The following ELP4 variants were observed in gnomAD, a reference collection of about 807,000 sequenced individuals.
ELP4 encodes elongator complex protein 4.
ELP4 carries 51 observed loss-of-function variants against 48.9 expected under a neutral mutation model. The observed-to-expected ratio is 1.04, with a 90% CI of 0.83 to 1.32. ELP4 has a LOEUF of 1.32. ELP4 is among the 40% of genes most tolerant of loss of function. The pLI is 0.00. For missense variants in ELP4, 519 were observed against 514.6 expected (o/e 1.01, Z -0.08); for synonymous variants, 210 against 189.2 (o/e 1.11, Z -0.90).
chr11:31,528,173 AG>A (rs1416994999), intron 2 of ELP4, among the ~76,000 whole-genome samples: 1 of 152,040 alleles, frequency 6.6e-6, no homozygotes, highest in Non-Finnish European at 1.5e-5. Context: ...TTTTTACATC[AG>A]GTAATCATGA....
intron 6 of ELP4, among the ~76,000 whole-genome samples, chr11:31,628,675 G>C (rs1467322170): frequency 6.6e-6 from 1 of 151,576 alleles, no homozygotes; most frequent in East Asian, 1.9e-4. Context: ...GATTAAACAG[G>C]GTTCAGGTAG....
chr11:31,704,355 G>T (rs1195964246), intron 9 of ELP4, among the ~76,000 whole-genome samples: 1 of 152,108 alleles, frequency 6.6e-6, no homozygotes, highest in Non-Finnish European at 1.5e-5. Flanking sequence ...GATGAAGCTG[G>T]AAACCATCAT....
chr11:31,538,776 C>A (rs2133904842), intron 2 of ELP4, among the ~76,000 whole-genome samples: 1 of 152,046 alleles, frequency 6.6e-6, no homozygotes, highest in South Asian at 2.1e-4. Flanking sequence ...TAGTCTGTAG[C>A]TTTCTGTTTC....
chr11:31,528,153 T>TA (rs910211217), intron 2 of ELP4, among the ~76,000 whole-genome samples: 5 of 152,116 alleles, frequency 3.3e-5, no homozygotes, highest in Admixed American at 6.6e-5. Flanking sequence ...TCATGGCACT[T>TA]ACTACACATT....
intron 2 of ELP4, among the ~76,000 whole-genome samples, chr11:31,529,801 A>G (rs541476566): frequency 2.0e-5 from 3 of 152,310 alleles, no homozygotes; most frequent in East Asian, 1.9e-4. Flanking sequence ...AGTGGCCCCA[A>G]AAACACTAGA....
At chr11:31,566,443 T>C (rs1957113015) in intron 3 of ELP4, among the ~76,000 whole-genome samples, 1 of 152,214 alleles carries the variant, frequency 6.6e-6, no homozygotes, top group Non-Finnish European at 1.5e-5. Context: ...TATTCTTAAT[T>C]TGTATGGACC....
intron 9 of ELP4, among the ~76,000 whole-genome samples, chr11:31,772,235 C>A (rs1948161285): frequency 6.7e-6 from 1 of 150,370 alleles, no homozygotes; most frequent in Non-Finnish European, 1.5e-5. Flanking sequence ...TTCTCCAATT[C>A]TCATGCCTCA....
chr11:31,599,552 A>G (rs1056946475), intron 4 of ELP4: 8 of 151,220 alleles, frequency 5.3e-5, no homozygotes, highest in African/African-American at 1.9e-4. Context: ...GTATTAGTTC[A>G]TTCTCACTGA....
At chr11:31,720,249 A>G (rs901692738) in intron 9 of ELP4, among the ~76,000 whole-genome samples, 13 of 152,184 alleles carry the variant, frequency 8.5e-5, no homozygotes, top group African/African-American at 3.1e-4. Flanking sequence ...TCTCCATTTC[A>G]AATGCTGTTT....
At chr11:31,724,877 T>C (rs1947042326) in intron 9 of ELP4, among the ~76,000 whole-genome samples, 1 of 152,246 alleles carries the variant, frequency 6.6e-6, no homozygotes. Context: ...TTGTTTAAAA[T>C]TTTAATCTCA....
intron 2 of ELP4, among the ~76,000 whole-genome samples, chr11:31,529,345 C>T (rs971333710): frequency 6.6e-6 from 1 of 152,096 alleles, no homozygotes; most frequent in Admixed American, 6.6e-5. Context: ...TCCTGGCAGG[C>T]CCAAAGAACT....
Position 31,650,515 on chromosome 11 carries a change from G to T in ELP4, c.1143+294G>T, listed in dbSNP as rs1048213328. 2.8e-5 allele frequency: 7 copies of T among 251,308 alleles called. No homozygotes were observed. In the South Asian group the frequency reaches 5.8e-4, roughly 21 times the overall value. 15.6% of individuals were successfully genotyped at this position (251,308 alleles called of 1,614,324 possible). A position where few individuals can be genotyped will look rare whatever the true frequency, so the allele number is the denominator to read the frequency against. On this transcript the variant is annotated intron_variant, in intron 9 of 9. Transcript: ENST00000640961. Reference sequence around the variant, plus strand: ...ATGCATATTTCCATGGCTTTGAAAAGCATATTTAATTAAGTGTTAATGAGC... The same window carrying T: ...ATGCATATTTCCATGGCTTTGAAAATCATATTTAATTAAGTGTTAATGAGC...
At chr11:31,549,772 T>G (rs1956807273) in intron 3 of ELP4, among the ~76,000 whole-genome samples, 1 of 152,178 alleles carries the variant, frequency 6.6e-6, no homozygotes, top group Non-Finnish European at 1.5e-5. Flanking sequence ...ATTAAGAAAA[T>G]GTGGCACATA....
At chr11:31,557,808 T>A (rs1185263550) in intron 3 of ELP4, among the ~76,000 whole-genome samples, 3 of 152,128 alleles carry the variant, frequency 2.0e-5, no homozygotes, top group Admixed American at 6.6e-5. Flanking sequence ...AATTACTTTC[T>A]GACCGTTGGT....
At chr11:31,726,000 A>G (rs1384556660) in intron 9 of ELP4, among the ~76,000 whole-genome samples, 1 of 152,238 alleles carries the variant, frequency 6.6e-6, no homozygotes, top group East Asian at 1.9e-4. Context: ...AGAAAAGGCT[A>G]AGATTCTAAG....
rs1948517165 is a variant in ELP4 at position 31,785,182 on chromosome 11, C to G, written c.*1658C>G. ...GATAATAAATAATGTTGTGCGGATA[C>G]TCCACAAAAGCTCTGCTATGTCCTT... On this transcript the variant is annotated 3_prime_UTR_variant, in exon 10 of 10. Transcript: ENST00000640961. 5.5e-6 allele frequency: 1 copy of G among 183,404 alleles called. No homozygotes were observed. The highest frequency in any genetic ancestry group is 1.2e-5 in the Non-Finnish European group (1 of 86,306). The allele number at this position is 183,404 out of a possible 1,614,324, so 11.4% of individuals were successfully genotyped here. A position where few individuals can be genotyped will look rare whatever the true frequency, so the allele number is the denominator to read the frequency against.
intron 9 of ELP4, chr11:31,762,200 CAG>C (rs1171206567): frequency 6.6e-6 from 1 of 151,914 alleles, no homozygotes; most frequent in Non-Finnish European, 1.5e-5. Flanking sequence ...CACTACAAAA[CAG>C]AAAAAAACTT....
At chr11:31,512,381 A>G (rs1490146507) in intron 1 of ELP4, 1 of 152,216 alleles carries the variant, frequency 6.6e-6, no homozygotes, top group Non-Finnish European at 1.5e-5. Context: ...GAAAGGCATC[A>G]TACATGCTAA....
intron 9 of ELP4, among the ~76,000 whole-genome samples, chr11:31,684,437 C>T (rs2134127971): frequency 6.6e-6 from 1 of 152,200 alleles, no homozygotes; most frequent in East Asian, 1.9e-4. Flanking sequence ...GAACTCCTGA[C>T]CTCAAGTGAT....
Sources: gnomAD v4.1 joint callset for allele counts (sites outside exome capture counted in the v4.1 genomes callset) on GRCh38, gnomAD v4.1.1 for gene constraint, MANE v1.5 for transcripts, NCBI Gene and HGNC (gene_info 2026-07-23, HGNC 2026-07-21) for gene names.